The following WDFY3 variants were observed in gnomAD, a reference collection of about 807,000 sequenced individuals.
WDFY3 encodes the protein WD repeat and FYVE domain-containing protein 3.
In WDFY3, 66 loss-of-function variants were observed where a neutral mutation model predicts 409.6. The ratio of observed to expected loss-of-function variants is 0.16; its 90% confidence interval spans 0.13 to 0.20. WDFY3 has a LOEUF of 0.20. WDFY3 is among the 10% of genes least tolerant of loss of function. WDFY3 has a pLI of 1.00. For synonymous variants in WDFY3, 1,521 were observed against 1,537.1 expected (o/e 0.99, Z 0.25); for missense variants, 3,031 against 4,298.1 (o/e 0.71, Z 8.24).
intron 51 of WDFY3, among the ~76,000 whole-genome samples, chr4:84,711,722 G>A (rs574497387): frequency 2.0e-5 from 3 of 151,626 alleles, no homozygotes; most frequent in Non-Finnish European, 4.4e-5. Context: ...GTGGTGGCGC[G>A]CACCTGTAGT....
At chr4:84,939,389 A>G (rs1771831040) in intron 1 of WDFY3, among the ~76,000 whole-genome samples, 1 of 152,108 alleles carries the variant, frequency 6.6e-6, no homozygotes, top group Non-Finnish European at 1.5e-5. Flanking sequence ...TATCCCTTGC[A>G]ATTAGTACAC....
chr4:84,927,418 C>A (rs563889226), intron 2 of WDFY3, among the ~76,000 whole-genome samples: 1 of 152,152 alleles, frequency 6.6e-6, no homozygotes, highest in East Asian at 1.9e-4. Context: ...ATACAGCCTT[C>A]CATAAGAAGA....
intron 66 of WDFY3, 69 bp from the exon 67 acceptor site, chr4:84,677,465 G>A: frequency 7.0e-7 from 1 of 1,419,484 alleles, no homozygotes. Flanking sequence ...GAGGCTCTCT[G>A]GATTTTGGTG....
intron 27 of WDFY3, among the ~76,000 whole-genome samples, chr4:84,776,250 C>A (rs1397927053): frequency 6.6e-6 from 1 of 151,884 alleles, no homozygotes; most frequent in Non-Finnish European, 1.5e-5. Context: ...TTTAGATGCA[C>A]ATAATAAATT....
intron 25 of WDFY3, among the ~76,000 whole-genome samples, chr4:84,781,665 A>T (rs931779085): frequency 6.6e-6 from 1 of 152,206 alleles, no homozygotes; most frequent in Non-Finnish European, 1.5e-5. Context: ...GCTTAACTGT[A>T]TGGCATAATA....
chr4:84,760,328 T>G (rs1358397292), intron 32 of WDFY3, among the ~76,000 whole-genome samples: 1 of 152,140 alleles, frequency 6.6e-6, no homozygotes, highest in Non-Finnish European at 1.5e-5. Flanking sequence ...TAAAATGAGT[T>G]AGGGAGGATT....
At chr4:84,780,010 A>G in intron 26 of WDFY3, 98 bp downstream of exon 26, 11 of 1,313,806 alleles carry the variant, frequency 8.4e-6, no homozygotes, top group African/African-American at 1.5e-5. Context: ...CTTGGACAAT[A>G]TAATTCTTCC....
intron 32 of WDFY3, among the ~76,000 whole-genome samples, chr4:84,758,793 G>A (rs907386642): frequency 1.3e-5 from 2 of 152,094 alleles, no homozygotes; most frequent in Non-Finnish European, 2.9e-5. Flanking sequence ...AACATGTGAG[G>A]CAGAAATTAC....
chr4:84,934,803 T>C (rs779124964), intron 1 of WDFY3, among the ~76,000 whole-genome samples: 6 of 152,128 alleles, frequency 3.9e-5, no homozygotes, highest in Non-Finnish European at 5.9e-5. Flanking sequence ...CTCCATTCCA[T>C]GCTCCACCTC....
intron 52 of WDFY3, 108 bp downstream of exon 52, chr4:84,709,185 C>T: frequency 7.2e-7 from 1 of 1,398,452 alleles, no homozygotes; most frequent in Non-Finnish European, 9.7e-7. Context: ...GAAAATAAAA[C>T]ATTTTCTCTA....
intron 15 of WDFY3, among the ~76,000 whole-genome samples, chr4:84,807,725 A>C (rs183679055): frequency 3.1e-4 from 47 of 152,316 alleles, no homozygotes; most frequent in African/African-American, 9.9e-4. Flanking sequence ...GGTAGTTTTA[A>C]AAAGATCAAC....
At chr4:84,852,014 A>G (rs568783865) in intron 4 of WDFY3, among the ~76,000 whole-genome samples, 1 of 152,342 alleles carries the variant, frequency 6.6e-6, no homozygotes, top group African/African-American at 2.4e-5. Flanking sequence ...CTCAGCACAC[A>G]GTTTTTGGTC....
intron 20 of WDFY3, 62 bp downstream of exon 20, chr4:84,794,817 C>T (rs944806581): frequency 4.0e-6 from 6 of 1,517,562 alleles, no homozygotes; most frequent in Non-Finnish European, 5.3e-6. Context: ...AGCAAATAAA[C>T]TCTAAATTAT....
chr4:84,743,936 G>A, intron 36 of WDFY3, 137 bp from the exon 37 acceptor site: 1 of 432,960 alleles, frequency 2.3e-6, no homozygotes. Context: ...CATGAGAGAT[G>A]GTATACATGC....
chr4:84,884,508 G>T (rs1763929738), intron 3 of WDFY3, among the ~76,000 whole-genome samples: 3 of 151,772 alleles, frequency 2.0e-5, no homozygotes, highest in African/African-American at 7.3e-5. Flanking sequence ...AGACCCTGAA[G>T]AAATTACATT....
At chr4:84,735,419 A>G (rs950236443) in intron 42 of WDFY3, among the ~76,000 whole-genome samples, 5 of 152,142 alleles carry the variant, frequency 3.3e-5, no homozygotes, top group Non-Finnish European at 5.9e-5. Context: ...CCCACATCCA[A>G]CGATCTAGGG....
At chr4:84,688,864 CT>C (rs766957012) in intron 61 of WDFY3, among the ~76,000 whole-genome samples, 72 of 152,208 alleles carry the variant, frequency 4.7e-4, no homozygotes, top group Non-Finnish European at 7.5e-4. Flanking sequence ...GAGAGGAATT[CT>C]TTCTTTAAAC....
chr4:84,837,549 C>T (rs1250164140), intron 6 of WDFY3, among the ~76,000 whole-genome samples: 1 of 151,988 alleles, frequency 6.6e-6, no homozygotes, highest in East Asian at 1.9e-4. Flanking sequence ...TTCATTGCTG[C>T]TTTACTATTA....
intron 15 of WDFY3, among the ~76,000 whole-genome samples, chr4:84,806,199 C>T (rs1350460586): frequency 6.6e-6 from 1 of 152,144 alleles, no homozygotes; most frequent in Non-Finnish European, 1.5e-5. Flanking sequence ...GACTTAAATT[C>T]TAATTTCAAG....
Sources: gnomAD v4.1 joint callset for allele counts (sites outside exome capture counted in the v4.1 genomes callset) on GRCh38, gnomAD v4.1.1 for gene constraint, MANE v1.5 for transcripts, NCBI Gene and HGNC (gene_info 2026-07-23, HGNC 2026-07-21) for gene names.